The following CHST9 variants were observed in gnomAD, a reference collection of about 807,000 sequenced individuals.
The protein encoded by CHST9 is carbohydrate sulfotransferase 9, also known as GalNAc-4-sulfotransferase 2.
In CHST9, 41 loss-of-function variants were observed where a neutral mutation model predicts 44.4. The ratio of observed to expected loss-of-function variants is 0.92; its 90% CI spans 0.72 to 1.20. The LOEUF (loss-of-function observed/expected upper bound fraction) is 1.20. CHST9 is among the 50% of genes most tolerant of loss of function. The probability of loss-of-function intolerance (pLI) is 0.00; values close to 1 mark genes in which losing one functional copy is unlikely to be tolerated. For synonymous variants in CHST9, 171 were observed against 178.4 expected, an observed-to-expected ratio of 0.96 and a Z score of 0.33; for missense variants, 504 against 516.5, an observed-to-expected ratio of 0.98 and a Z score of 0.23.
intron 4 of CHST9, among the ~76,000 whole-genome samples, chr18:26,968,815 T>A (rs2056499487): frequency 6.6e-6 from 1 of 152,176 alleles, no homozygotes; most frequent in Non-Finnish European, 1.5e-5. Flanking sequence ...TGGTTTAATG[T>A]TTGAGGAAAG....
At chr18:27,112,313 G>A (rs1322288649) in intron 2 of CHST9, among the ~76,000 whole-genome samples, 1 of 151,136 alleles carries the variant, frequency 6.6e-6, no homozygotes, top group Non-Finnish European at 1.5e-5. Context: ...TTTTTGGATT[G>A]TGGAATATCT....
intron 2 of CHST9, among the ~76,000 whole-genome samples, chr18:27,113,464 C>A (rs1314825862): frequency 6.6e-6 from 1 of 152,082 alleles, no homozygotes; most frequent in East Asian, 1.9e-4. Flanking sequence ...TATTTAGCAA[C>A]CTGACATGGT....
chr18:26,957,965 C>T (rs1196147011), intron 4 of CHST9, among the ~76,000 whole-genome samples: 1 of 151,976 alleles, frequency 6.6e-6, no homozygotes, highest in Non-Finnish European at 1.5e-5. Flanking sequence ...CCACTCACTA[C>T]AACCTCCGCC....
chr18:27,036,878 T>C lies in CHST9; in HGVS notation c.160+11587A>G, dbSNP rs2057395503. Among the ~76,000 whole-genome samples, 5 of 152,194 alleles carry C rather than the reference T, an allele frequency of 3.3e-5. No individual in the cohort carries two copies. In the South Asian group the frequency reaches 1.0e-3, roughly 31 times the overall value. ...GAACTGTAGGTATGATGCTGTCCAG[T>C]GGATCTCTAGAACTTATCAGGGGCT... On this transcript the variant is annotated intron_variant, in intron 3 of 5. Transcript: ENST00000618847.
chr18:27,074,557 T>A (rs1422221431), intron 2 of CHST9, among the ~76,000 whole-genome samples: 1 of 152,148 alleles, frequency 6.6e-6, no homozygotes, highest in African/African-American at 2.4e-5. Flanking sequence ...GAAATGAGGA[T>A]GACAAAGCAT....
chr18:27,080,127 G>C (rs1238564769), intron 2 of CHST9, among the ~76,000 whole-genome samples: 1 of 151,984 alleles, frequency 6.6e-6, no homozygotes. Flanking sequence ...CATGGTCCTT[G>C]CCCTTAAAAC....
chr18:27,053,761 C>A (rs573227187), intron 2 of CHST9, among the ~76,000 whole-genome samples: 3 of 152,126 alleles, frequency 2.0e-5, no homozygotes, highest in Non-Finnish European at 2.9e-5. Context: ...GGAATTACAC[C>A]TTCACCCCAG....
At chr18:27,093,285 C>G (rs2058086646) in intron 2 of CHST9, among the ~76,000 whole-genome samples, 2 of 152,232 alleles carry the variant, frequency 1.3e-5, no homozygotes, top group African/African-American at 2.4e-5. Flanking sequence ...TCAGAGCTGT[C>G]AGACAGGGAC....
chr18:27,011,333 A>G (rs1052294177), intron 4 of CHST9, among the ~76,000 whole-genome samples: 1 of 152,234 alleles, frequency 6.6e-6, no homozygotes, highest in African/African-American at 2.4e-5. Context: ...GTAAACAGAC[A>G]AGCTTCAAAC....
At chr18:27,127,994 C>A (rs564644402) in intron 2 of CHST9, among the ~76,000 whole-genome samples, 11 of 152,194 alleles carry the variant, frequency 7.2e-5, no homozygotes, top group African/African-American at 2.2e-4. Context: ...GAGAAAGTAA[C>A]ATAAAAGCTG....
In CHST9 at chr18:26,909,418, T is replaced by C. The variant is rs1414428801; in HGVS notation, c.*6841A>G. ...GTATCTTGGATGGGGTCTGGGAATA[T>C]GTTTTTAACAAAAATTAGGTTAATT... On this transcript the variant is annotated 3_prime_UTR_variant, in exon 6 of 6. Transcript: ENST00000618847. 1 of 152,206 alleles carries C rather than the reference T, an allele frequency of 6.6e-6. No homozygotes were observed. The highest frequency in any genetic ancestry group is 2.4e-5 in the African/African-American group (1 of 41,446). The allele number at this position is 152,206 out of a possible 1,614,324, so 9.4% of individuals were successfully genotyped here.
intron 4 of CHST9, among the ~76,000 whole-genome samples, chr18:27,019,710 A>AG (rs1555677142): frequency 6.6e-6 from 1 of 150,844 alleles, no homozygotes; most frequent in African/African-American, 2.4e-5. Context: ...AAAAAAAAAA[A>AG]AGAGAGAAAA....
At chr18:26,970,670 C>G (rs1210178825) in intron 4 of CHST9, among the ~76,000 whole-genome samples, 3 of 152,180 alleles carry the variant, frequency 2.0e-5, no homozygotes, top group Admixed American at 6.5e-5. Context: ...CCAGGTGATC[C>G]TCCTGTCTCG....
intron 4 of CHST9, among the ~76,000 whole-genome samples, chr18:26,998,184 G>A (rs548952158): frequency 3.9e-5 from 6 of 152,186 alleles, no homozygotes; most frequent in East Asian, 3.9e-4. Context: ...AGCTCTCTCC[G>A]TTGTGCCCTC....
At chr18:27,148,858 G>C (rs1443516524) in intron 1 of CHST9, among the ~76,000 whole-genome samples, 22 of 140,186 alleles carry the variant, frequency 1.6e-4, no homozygotes, top group African/African-American at 5.4e-4. Context: ...GGTTGAACTA[G>C]TTTACAGTTC....
At chr18:27,050,562 T>C (rs921195994) in intron 2 of CHST9, among the ~76,000 whole-genome samples, 1 of 152,198 alleles carries the variant, frequency 6.6e-6, no homozygotes. Context: ...CAATCTTCCC[T>C]TATGTCGCTG....
chr18:27,182,797 G>T (rs1355230458), intron 1 of CHST9, among the ~76,000 whole-genome samples: 1 of 151,992 alleles, frequency 6.6e-6, no homozygotes, highest in Non-Finnish European at 1.5e-5. Flanking sequence ...TATAATAACA[G>T]GTAAACATGT....
chr18:27,153,370 TCCCCTTGGAGGC>T (rs2058673092), intron 1 of CHST9, among the ~76,000 whole-genome samples: 1 of 152,072 alleles, frequency 6.6e-6, no homozygotes, highest in African/African-American at 2.4e-5. Context: ...AGGGCCACAC[TCCCCTTGGAGGC>T]AAGGACAGAA....
chr18:26,961,001 A>G (rs138058977), intron 4 of CHST9, among the ~76,000 whole-genome samples: 1 of 152,364 alleles, frequency 6.6e-6, no homozygotes, highest in Non-Finnish European at 1.5e-5. Context: ...CGCTTACAAC[A>G]TACCAGCAAC....
Sources: gnomAD v4.1 joint callset for allele counts (sites outside exome capture counted in the v4.1 genomes callset) on GRCh38, gnomAD v4.1.1 for gene constraint, MANE v1.5 for transcripts, NCBI Gene and HGNC (gene_info 2026-07-23, HGNC 2026-07-21) for gene names.